Variants in KCTD18 observed in about 807,000 individuals in gnomAD.
The protein encoded by KCTD18 is potassium channel tetramerization domain containing 18.
KCTD18 carries 22 observed loss-of-function variants against 30.4 expected under a neutral mutation model. The ratio of observed to expected loss-of-function variants is 0.72; its 90% CI spans 0.52 to 1.03. KCTD18 has a LOEUF of 1.03. Among genes scored for constraint, KCTD18 ranks in the 50% least tolerant of loss-of-function variants. KCTD18 has a pLI of 0.00. For missense variants in KCTD18, 529 were observed against 547.6 expected (o/e 0.97, Z 0.34); for synonymous variants, 186 against 209.0 (o/e 0.89, Z 0.95).
chr2:200,505,650 T>C (rs1041940869), intron 2 of KCTD18, among the ~76,000 whole-genome samples: 1 of 152,112 alleles, frequency 6.6e-6, no homozygotes, highest in Non-Finnish European at 1.5e-5. Flanking sequence ...AGGTTCTCAC[T>C]AAAGAGAGCA....
intron 3 of KCTD18, among the ~76,000 whole-genome samples, chr2:200,503,264 G>C (rs1043228458): frequency 6.6e-6 from 1 of 152,154 alleles, no homozygotes; most frequent in African/African-American, 2.4e-5. Context: ...CTCAGTGAAT[G>C]AAAATGGGGC....
rs575474875 is a variant in KCTD18, at chr2:200,506,362, T to C, written c.160+495A>G. 9.8e-5 allele frequency among the ~76,000 whole-genome samples: 15 copies of C among 152,332 alleles called. No individual in the cohort carries two copies. In the South Asian group the frequency reaches 2.9e-3, roughly 29 times the overall value. On this transcript the variant is annotated intron_variant, in intron 2 of 6. Transcript: ENST00000359878. ...GCCCCTTTGCCTCTGACGGTATCAC[T>C]GCACAGACTTTTTCTCAGCCGTGCA...
intron 5 of KCTD18, among the ~76,000 whole-genome samples, chr2:200,493,724 A>T (rs1275016568): frequency 6.6e-6 from 1 of 152,342 alleles, no homozygotes; most frequent in East Asian, 1.9e-4. Flanking sequence ...TGAGTTAATA[A>T]ATGCAAAGTG....
chr2:200,499,061 T>C lies in KCTD18; in HGVS notation c.396A>G (p.Ser132=). Residue 132 remains serine (S), a synonymous_variant, in exon 4 of 7, where the codon TCA becomes TCG. Coordinates refer to ENST00000359878, the MANE Select transcript of KCTD18 (RefSeq NM_152387.4). ...TTGGTTTATTGCAGACTAAGCCATA[T>C]GAATCACAGAAGTCTGTTAAAGCCT... ...LKKALTDFCD[S]YGLVCNKPTV... 1 of 1,612,804 alleles carries C rather than the reference T, an allele frequency of 6.2e-7. No individual in the cohort carries two copies. The highest frequency in any genetic ancestry group is 8.5e-7 in the Non-Finnish European group (1 of 1,179,556).
At chr2:200,505,034 C>A in intron 2 of KCTD18, 75 bp from the exon 3 acceptor site, 1 of 1,054,126 alleles carries the variant, frequency 9.5e-7, no homozygotes, top group Non-Finnish European at 1.4e-6. Flanking sequence ...CAAACTAGGT[C>A]TGAGGACCTC....
chr2:200,502,391 A>G lies in KCTD18; in HGVS notation c.372+2357T>C, dbSNP rs1011421036. 2.0e-5 allele frequency among the ~76,000 whole-genome samples: 3 copies of G among 152,098 alleles called. No individual in the cohort carries two copies. The East Asian group carries it at 5.8e-4, about 29-fold the overall frequency. ...TAGAGTAATTTCCCCAAAATTTCCC[A>G]TTTTACACAATCTTCCATTCACCTT... On this transcript the variant is annotated intron_variant, in intron 3 of 6. Coordinates refer to ENST00000359878, the MANE Select transcript of KCTD18 (RefSeq NM_152387.4).
At position 200,490,425 on chromosome 2, in the gene KCTD18, C is replaced by A. The variant is rs201870494; in HGVS notation, c.956G>T (p.Arg319Leu). The stretch of plus-strand genomic sequence containing the variant: ...TGCAGAGCGCTGAGCTGCCTTTCTG[C>A]GGCTACCACTTTGAAACCGGTTTGC... ...ATANRFQSGSRRKAAQRSAPS... is the reference protein window; with the variant it reads ...ATANRFQSGSLRKAAQRSAPS... The change falls in exon 7 of 7, where the codon CGC becomes CTC. Residue 319 changes from arginine (R) to leucine (L), a missense_variant. Physicochemically the swap from Arg to Leu is moderately radical, Grantham distance 102. Transcript: ENST00000359878. The A allele has an allele frequency of 3.7e-6, 6 of 1,614,116 alleles. No individual in the cohort carries two copies. The highest frequency in any genetic ancestry group is 4.5e-5 in the East Asian group (2 of 44,884).
chr2:200,506,784 T>TA, intron 2 of KCTD18, 73 bp downstream of exon 2: 1 of 1,404,812 alleles, frequency 7.1e-7, no homozygotes, highest in Non-Finnish European at 1.0e-6. Context: ...TCGCTGTAAT[T>TA]AAGAAAATCA....
chr2:200,499,203 G>T (rs192437465), intron 3 of KCTD18, 119 bp from the exon 4 acceptor site: 21 of 689,412 alleles, frequency 3.0e-5, no homozygotes, highest in Middle Eastern at 3.8e-4. Flanking sequence ...GAAATAAAAA[G>T]ATTATATATT....
chr2:200,506,196 G>T (rs2030188831), intron 2 of KCTD18, among the ~76,000 whole-genome samples: 1 of 152,090 alleles, frequency 6.6e-6, no homozygotes, highest in Non-Finnish European at 1.5e-5. Flanking sequence ...CATACACAGG[G>T]CAAAAAACTT....
At chr2:200,504,014 C>T (rs2030018828) in intron 3 of KCTD18, among the ~76,000 whole-genome samples, 2 of 152,000 alleles carry the variant, frequency 1.3e-5, no homozygotes, top group African/African-American at 4.8e-5. Flanking sequence ...GTGAATTAGC[C>T]AAACTAATGT....
Position 200,489,774 on chromosome 2 carries a change from C to T in KCTD18, c.*326G>A, listed in dbSNP as rs2087876513. 1 of 257,420 alleles carries T rather than the reference C, an allele frequency of 3.9e-6. No homozygotes were observed. The highest frequency in any genetic ancestry group is 4.9e-5 in the Admixed American group (1 of 20,290). 15.9% of individuals were successfully genotyped at this position (257,420 alleles called of 1,614,324 possible). A position where few individuals can be genotyped will look rare whatever the true frequency, so the allele number is the denominator to read the frequency against. On this transcript the variant is annotated 3_prime_UTR_variant, in exon 7 of 7. Coordinates refer to ENST00000359878, the MANE Select transcript of KCTD18 (RefSeq NM_152387.4). ...CTCGGGTTGCAACAAGTAACGTTTA[C>T]TTCAGCAACAAAGTGGACCTCTCTA...
intron 5 of KCTD18, 82 bp from the exon 6 acceptor site, chr2:200,493,356 A>G: frequency 3.6e-6 from 3 of 837,522 alleles, no homozygotes; most frequent in Non-Finnish European, 6.2e-6. Flanking sequence ...AAGACCTGCC[A>G]GAGTCTGAGG....
At chr2:200,498,790 G>A in intron 4 of KCTD18, 101 bp downstream of exon 4, 1 of 1,001,478 alleles carries the variant, frequency 1.0e-6, no homozygotes, top group Non-Finnish European at 1.6e-6. Flanking sequence ...CCTGAGAGGT[G>A]TTAATGGTCT....
chr2:200,507,899 C>A (rs2030281947), intron 1 of KCTD18, among the ~76,000 whole-genome samples: 1 of 152,030 alleles, frequency 6.6e-6, no homozygotes, highest in African/African-American at 2.4e-5. Context: ...GTCTTGAACT[C>A]CTGGGCTCAA....
At chr2:200,507,340 T>C (rs1012023172) in intron 1 of KCTD18, among the ~76,000 whole-genome samples, 1 of 152,188 alleles carries the variant, frequency 6.6e-6, no homozygotes, top group African/African-American at 2.4e-5. Context: ...TGTTTAAACA[T>C]GGTAATGCAC....
At chr2:200,494,142 T>C (rs1390167090) in intron 5 of KCTD18, among the ~76,000 whole-genome samples, 1 of 152,234 alleles carries the variant, frequency 6.6e-6, no homozygotes, top group South Asian at 2.1e-4. Context: ...GTTCCATTTG[T>C]AGAGCTATCA....
rs191730787 is a variant in KCTD18, at chr2:200,498,497, G to A, written c.566+394C>T. 4.3e-4 allele frequency among the ~76,000 whole-genome samples: 66 copies of A among 152,334 alleles called. 1 individual carries two copies. The highest frequency in any genetic ancestry group is 1.3e-3 in the Admixed American group (20 of 15,298). ...GTCATTTCTCAGAAGAAGACACCAA[G>A]GCAGGCCAGCCCTGAGTCACTCAGT... On this transcript the variant is annotated intron_variant, in intron 4 of 6. Coordinates refer to ENST00000359878, the MANE Select transcript of KCTD18 (RefSeq NM_152387.4).
intron 6 of KCTD18, among the ~76,000 whole-genome samples, chr2:200,490,993 GA>G (rs911688269): frequency 3.3e-5 from 5 of 150,836 alleles, no homozygotes; most frequent in African/African-American, 9.7e-5. Context: ...ATTTAGTAAA[GA>G]AAAAAAAAGA....
Sources: gnomAD v4.1 joint callset for allele counts (sites outside exome capture counted in the v4.1 genomes callset) on GRCh38, gnomAD v4.1.1 for gene constraint, MANE v1.5 for transcripts, NCBI Gene and HGNC (gene_info 2026-07-23, HGNC 2026-07-21) for gene names.